SLC7A14: variants seen among roughly 807,000 people sequenced by gnomAD.
SLC7A14 encodes solute carrier family 7 member 14.
SLC7A14 carries 37 observed loss-of-function variants against 60.2 expected under a neutral mutation model. The observed-to-expected ratio is 0.61, with a 90% CI of 0.47 to 0.81. The LOEUF is 0.81. SLC7A14 is among the 30% of genes least tolerant of loss of function. The probability of loss-of-function intolerance (pLI) is 0.00; values close to 1 mark genes in which losing one functional copy is unlikely to be tolerated. For missense variants in SLC7A14, 886 were observed against 982.7 expected (o/e 0.90, Z 1.32); for synonymous variants, 399 against 395.8 (o/e 1.01, Z -0.10).
chr3:170,480,591 G>A lies in SLC7A14; in HGVS notation c.1691C>T (p.Thr564Met), dbSNP rs753511398. 8.7e-6 allele frequency: 14 copies of A among 1,614,090 alleles called. No homozygotes were observed. The highest frequency in any genetic ancestry group is 1.2e-5 in the Non-Finnish European group (14 of 1,180,052). ...GAGCAGGAGCACGCAGATGGTCACCGTGTGCCCCGTCGCTGCTGTGGGCCG... is the reference window on the plus strand; with the variant it reads ...GAGCAGGAGCACGCAGATGGTCACCATGTGCCCCGTCGCTGCTGTGGGCCG... ...MDRPTAATGHTVTICVLLLFI... is the reference protein window; with the variant it reads ...MDRPTAATGHMVTICVLLLFI... The change falls in exon 7 of 8, where the codon ACG (threonine) becomes ATG (methionine). Residue 564 changes from threonine to methionine, a missense_variant. Coordinates refer to ENST00000231706, the MANE Select transcript of SLC7A14 (RefSeq NM_020949.3).
intron 4 of SLC7A14, among the ~76,000 whole-genome samples, chr3:170,486,871 CA>C (rs59431762): frequency 0.14 from 14,978 of 103,438 alleles, 1,047 homozygotes; most frequent in African/African-American, 0.24. Flanking sequence ...GACTCCATCT[CA>C]AAAAAAAAAA....
At chr3:170,473,382 C>A (rs1223283567) in intron 7 of SLC7A14, among the ~76,000 whole-genome samples, 1 of 152,156 alleles carries the variant, frequency 6.6e-6, no homozygotes, top group East Asian at 1.9e-4. Context: ...AGACCAGGTC[C>A]CCTATCTCCA....
intron 1 of SLC7A14, among the ~76,000 whole-genome samples, chr3:170,547,929 G>T (rs1714228603): frequency 6.6e-6 from 1 of 152,012 alleles, no homozygotes; most frequent in Non-Finnish European, 1.5e-5. Flanking sequence ...ATATTTTGCA[G>T]ACCTGCCTAT....
rs1711796286 is a variant in SLC7A14 at position 170,480,998 on chromosome 3, G to C, written c.1284C>G (p.Leu428=). 6.2e-7 allele frequency: 1 copy of C among 1,613,906 alleles called. No homozygotes were observed. Among genetic ancestry groups the C allele is most frequent in the Admixed American group, 1.7e-5 (1 of 59,984 alleles). ...TGTCACTCTCAGGTTGGTATCGAAG[G>C]AGCAAGACACAGACAGAGACCAAGG... ...AYTLVSVCVL[L]LRYQPESDID... is the part of the protein sequence containing the mutation. The change falls in exon 7 of 8, where the codon CTC becomes CTG. Residue 428 remains leucine, a synonymous_variant. Coordinates refer to ENST00000231706, the MANE Select transcript of SLC7A14 (RefSeq NM_020949.3).
intron 1 of SLC7A14, among the ~76,000 whole-genome samples, chr3:170,569,483 G>T (rs1227487227): frequency 4.6e-5 from 7 of 151,568 alleles, no homozygotes; most frequent in Non-Finnish European, 8.9e-5. Context: ...TTTTTTGGTT[G>T]TGTCTCTGCC....
chr3:170,584,967 G>C (rs1021788915), intron 1 of SLC7A14, among the ~76,000 whole-genome samples: 2 of 152,162 alleles, frequency 1.3e-5, no homozygotes, highest in Non-Finnish European at 2.9e-5. Flanking sequence ...GAACAGGAGC[G>C]AGCCCCGCTG....
chr3:170,512,615 C>T (rs960792155), intron 2 of SLC7A14, among the ~76,000 whole-genome samples: 4 of 146,060 alleles, frequency 2.7e-5, no homozygotes, highest in African/African-American at 1.0e-4. Context: ...GAACTCTAGG[C>T]GGATTCAGCC....
intron 4 of SLC7A14, chr3:170,496,717 G>A: frequency 1.2e-6 from 1 of 818,916 alleles, no homozygotes; most frequent in Non-Finnish European, 2.1e-6. Context: ...CGCCTATGGG[G>A]GCCTCACAAG....
intron 1 of SLC7A14, among the ~76,000 whole-genome samples, chr3:170,543,242 C>T (rs1714073378): frequency 6.6e-6 from 1 of 152,132 alleles, no homozygotes; most frequent in Non-Finnish European, 1.5e-5. Flanking sequence ...TTTTATGCCT[C>T]CTCCGGAAGA....
intron 7 of SLC7A14, among the ~76,000 whole-genome samples, chr3:170,472,029 G>A (rs1404070382): frequency 1.3e-5 from 2 of 152,002 alleles, no homozygotes; most frequent in Non-Finnish European, 1.5e-5. Flanking sequence ...GTGGGGGTGC[G>A]TGGTGTGTGC....
chr3:170,529,767 A>G (rs1310128796), intron 1 of SLC7A14, among the ~76,000 whole-genome samples: 19 of 152,218 alleles, frequency 1.2e-4, no homozygotes, highest in Admixed American at 1.2e-3. Flanking sequence ...AGGTCATACC[A>G]AAGTAGAATG....
chr3:170,561,881 G>A (rs1021137600), intron 1 of SLC7A14, among the ~76,000 whole-genome samples: 23 of 151,976 alleles, frequency 1.5e-4, no homozygotes, highest in Admixed American at 1.1e-3. Flanking sequence ...GCCAACAAAC[G>A]TATGAAAAAA....
At chr3:170,511,611 G>A (rs1019290010) in intron 2 of SLC7A14, among the ~76,000 whole-genome samples, 3 of 152,152 alleles carry the variant, frequency 2.0e-5, no homozygotes, top group African/African-American at 4.8e-5. Flanking sequence ...ATTCATTGAC[G>A]AGGAAGAGGA....
In SLC7A14 at chr3:170,480,893, A is replaced by C. The variant is rs1459302924; in HGVS notation, c.1389T>G (p.Ala463=). The part of the protein sequence containing the change: ...EGILADCEKE[A]CSPVSEGDEF... ...CATCCCCCTCACTCACAGGAGAACA[A>C]GCTTCCTTCTCACAGTCAGCCAGAA... The change falls in exon 7 of 8, where the codon GCT becomes GCG. Residue 463 remains alanine (A), a synonymous_variant. Transcript: ENST00000231706. The C allele has an allele frequency of 1.2e-6, 2 of 1,614,008 alleles. No individual in the cohort carries two copies. Among genetic ancestry groups the C allele is most frequent in the Non-Finnish European group, 1.7e-6 (2 of 1,180,020 alleles).
At chr3:170,525,718 A>G (rs1713472458) in intron 2 of SLC7A14, among the ~76,000 whole-genome samples, 2 of 152,160 alleles carry the variant, frequency 1.3e-5, no homozygotes, top group African/African-American at 4.8e-5. Flanking sequence ...GTGACAGGGA[A>G]TGAGAAGCTG....
chr3:170,462,736 A>C lies in SLC7A14; in HGVS notation c.*4319T>G, dbSNP rs879507832. 6.6e-6 allele frequency: 1 copy of C among 151,886 alleles called. No homozygotes were observed. The highest frequency in any genetic ancestry group is 2.4e-5 in the African/African-American group (1 of 41,358). 9.4% of individuals were successfully genotyped at this position (151,886 alleles called of 1,614,324 possible). On this transcript the variant is annotated 3_prime_UTR_variant, in exon 8 of 8. Transcript: ENST00000231706. ...ACAGAATGAGACTCTGTCTAAAAAA[A>C]AAAAAGTAGCACTCAAGCTCAGTAA...
Position 170,526,841 on chromosome 3 carries a change from C to T in SLC7A14, c.96G>A (p.Val32=). The T allele has an allele frequency of 6.2e-7, 1 of 1,614,120 alleles. No homozygotes were observed. Among genetic ancestry groups the T allele is most frequent in the Non-Finnish European group, 8.5e-7 (1 of 1,180,018 alleles). ...MHSRILRTKP[V]ESMLEGTGTT... The stretch of plus-strand genomic sequence containing the variant: ...TCCCAGTTCCCTCTAGCATGGACTC[C>T]ACTGGTTTGGTGCGTAGGATCCTGG... Residue 32 remains valine (V), a synonymous_variant, in exon 2 of 8, where the codon GTG becomes GTA. Transcript: ENST00000231706.
chr3:170,468,724 T>C (rs1739794456), intron 7 of SLC7A14, among the ~76,000 whole-genome samples: 1 of 152,224 alleles, frequency 6.6e-6, no homozygotes, highest in African/African-American at 2.4e-5. Context: ...CCTGCCTTCA[T>C]CACTGTTAGC....
intron 1 of SLC7A14, among the ~76,000 whole-genome samples, chr3:170,562,888 G>T (rs1714692350): frequency 6.6e-6 from 1 of 152,008 alleles, no homozygotes; most frequent in Non-Finnish European, 1.5e-5. Flanking sequence ...AGCCTCCTGA[G>T]TAGCTGGGAT....
Sources: gnomAD v4.1 joint callset for allele counts (sites outside exome capture counted in the v4.1 genomes callset) on GRCh38, gnomAD v4.1.1 for gene constraint, MANE v1.5 for transcripts, NCBI Gene and HGNC (gene_info 2026-07-23, HGNC 2026-07-21) for gene names.